Variants in PALM2AKAP2 observed in about 807,000 individuals in gnomAD.
The protein encoded by PALM2AKAP2 is PALM2 and AKAP2 fusion.
PALM2AKAP2 carries 37 observed loss-of-function variants against 71.5 expected under a neutral mutation model. The ratio of observed to expected loss-of-function variants is 0.52; its 90% CI spans 0.40 to 0.68. PALM2AKAP2 has a LOEUF of 0.68. Ranked by LOEUF, PALM2AKAP2 falls within the 30% of genes least tolerant of loss-of-function variation. The probability of loss-of-function intolerance (pLI) is 0.00; values close to 1 mark genes in which losing one functional copy is unlikely to be tolerated. For missense variants in PALM2AKAP2, 1,224 were observed against 1,191.8 expected, an observed-to-expected ratio of 1.03 and a Z score of -0.40; for synonymous variants, 468 against 478.8, an observed-to-expected ratio of 0.98 and a Z score of 0.29.
intron 2 of PALM2AKAP2, among the ~76,000 whole-genome samples, chr9:109,868,518 G>T (rs1829519543): frequency 6.6e-6 from 1 of 152,132 alleles, no homozygotes; most frequent in Non-Finnish European, 1.5e-5. Context: ...TCGGGGTGAT[G>T]CTCGGTATGA....
chr9:110,131,965 G>A (rs956210639), intron 1 of PALM2AKAP2, among the ~76,000 whole-genome samples: 1 of 151,838 alleles, frequency 6.6e-6, no homozygotes, highest in Non-Finnish European at 1.5e-5. Context: ...TTAAAAAAAT[G>A]TATCGGAAAG....
intron 1 of PALM2AKAP2, among the ~76,000 whole-genome samples, chr9:109,731,488 G>C (rs1302287337): frequency 2.0e-5 from 3 of 152,156 alleles, no homozygotes; most frequent in Admixed American, 6.5e-5. Flanking sequence ...CCAGTAAAAA[G>C]AATGGTGAAC....
At chr9:109,986,037 G>A (rs531015479) in intron 6 of PALM2AKAP2, among the ~76,000 whole-genome samples, 3 of 152,206 alleles carry the variant, frequency 2.0e-5, no homozygotes, top group Admixed American at 1.3e-4. Flanking sequence ...CTGCTAATAC[G>A]TCATCAAATT....
At chr9:109,663,386 G>T (rs1362885680) in intron 1 of PALM2AKAP2, among the ~76,000 whole-genome samples, 2 of 152,182 alleles carry the variant, frequency 1.3e-5, no homozygotes, top group Non-Finnish European at 2.9e-5. Context: ...GGTACACTGT[G>T]TCTTTGTTCT....
chr9:110,025,318 A>T (rs1833157036), intron 7 of PALM2AKAP2: 9 of 1,199,818 alleles, frequency 7.5e-6, no homozygotes, highest in Non-Finnish European at 1.2e-6. Flanking sequence ...CCTAGAGAAC[A>T]TATGTCGGGA....
intron 1 of PALM2AKAP2, among the ~76,000 whole-genome samples, chr9:109,724,290 A>G (rs1205003601): frequency 6.6e-6 from 1 of 152,240 alleles, no homozygotes; most frequent in Non-Finnish European, 1.5e-5. Context: ...GAAGTCTCAT[A>G]TTGTAAAGAT....
intron 1 of PALM2AKAP2, among the ~76,000 whole-genome samples, chr9:109,819,117 C>T (rs1039534450): frequency 6.6e-6 from 1 of 152,170 alleles, no homozygotes; most frequent in Non-Finnish European, 1.5e-5. Context: ...CTCCTTCCCC[C>T]ACAGGTGAAA....
At chr9:109,691,300 G>A (rs1194354368) in intron 1 of PALM2AKAP2, among the ~76,000 whole-genome samples, 1 of 151,934 alleles carries the variant, frequency 6.6e-6, no homozygotes, top group Non-Finnish European at 1.5e-5. Context: ...TAACAGTAAA[G>A]TAGAAAATTT....
chr9:109,948,429 T>C (rs1831561853), intron 6 of PALM2AKAP2, among the ~76,000 whole-genome samples: 2 of 152,214 alleles, frequency 1.3e-5, no homozygotes, highest in African/African-American at 2.4e-5. Flanking sequence ...TATGAAAATA[T>C]AATATGTAAT....
chr9:109,897,306 G>A (rs1264357794), intron 3 of PALM2AKAP2, among the ~76,000 whole-genome samples: 1 of 152,182 alleles, frequency 6.6e-6, no homozygotes, highest in African/African-American at 2.4e-5. Flanking sequence ...TGGCAGCCAG[G>A]CTTGGTGGCT....
chr9:109,736,120 T>C (rs1033585167), intron 1 of PALM2AKAP2, among the ~76,000 whole-genome samples: 11 of 152,188 alleles, frequency 7.2e-5, no homozygotes, highest in Admixed American at 6.5e-5. Context: ...TCAGACTTCT[T>C]CACAGGCACA....
chr9:109,668,380 G>A (rs1423634848), intron 1 of PALM2AKAP2, among the ~76,000 whole-genome samples: 1 of 152,182 alleles, frequency 6.6e-6, no homozygotes, highest in East Asian at 1.9e-4. Flanking sequence ...TAGCAGGAGG[G>A]CTTACAATTA....
chr9:109,751,576 T>C (rs534782917), intron 1 of PALM2AKAP2, among the ~76,000 whole-genome samples: 3 of 152,212 alleles, frequency 2.0e-5, no homozygotes. Context: ...TGAGACCTCA[T>C]GCGCTTGGGC....
At chr9:109,906,419 G>A (rs1380972432) in intron 3 of PALM2AKAP2, among the ~76,000 whole-genome samples, 1 of 152,066 alleles carries the variant, frequency 6.6e-6, no homozygotes, top group Non-Finnish European at 1.5e-5. Context: ...GGCTGGTCTT[G>A]AACTCCTGAC....
At chr9:110,035,358 A>ATAATACATATTATATATATTATATGTG (rs1833371463) in intron 7 of PALM2AKAP2, among the ~76,000 whole-genome samples, 1 of 143,136 alleles carries the variant, frequency 7.0e-6, no homozygotes, top group African/African-American at 2.6e-5. Context: ...TATTATATGT[A>ATAATACATATTATATATATTATATGTG]TAATACATAT....
chr9:109,823,643 CA>C (rs2131502427), intron 1 of PALM2AKAP2, among the ~76,000 whole-genome samples: 1 of 152,162 alleles, frequency 6.6e-6, no homozygotes, highest in East Asian at 1.9e-4. Flanking sequence ...CCACCATGTT[CA>C]ACCTGCCTGC....
chr9:109,672,337 C>T (rs555797777), intron 1 of PALM2AKAP2, among the ~76,000 whole-genome samples: 68 of 152,098 alleles, frequency 4.5e-4, no homozygotes, highest in African/African-American at 1.5e-3. Context: ...TATCAAAAGC[C>T]TTTCTGTATC....
At chr9:110,035,380 ATT>A (rs2132432439) in intron 7 of PALM2AKAP2, among the ~76,000 whole-genome samples, 3 of 140,196 alleles carry the variant, frequency 2.1e-5, no homozygotes, top group South Asian at 4.2e-4. Flanking sequence ...ATATACATAT[ATT>A]ATATGTATAA....
At chr9:110,151,353 T>C (rs1261140916) in intron 2 of PALM2AKAP2, among the ~76,000 whole-genome samples, 1 of 152,190 alleles carries the variant, frequency 6.6e-6, no homozygotes, top group Non-Finnish European at 1.5e-5. Flanking sequence ...ACCTGGCTTT[T>C]TTTCTTGAGG....
Sources: gnomAD v4.1 joint callset for allele counts (sites outside exome capture counted in the v4.1 genomes callset) on GRCh38, gnomAD v4.1.1 for gene constraint, MANE v1.5 for transcripts, NCBI Gene and HGNC (gene_info 2026-07-23, HGNC 2026-07-21) for gene names.